ZMYND19: variants seen among roughly 807,000 people sequenced by gnomAD.
The protein encoded by ZMYND19 is zinc finger MYND domain-containing protein 19.
Under a neutral mutation model 32.0 loss-of-function variants are expected in ZMYND19, and 17 were observed. The observed-to-expected ratio is 0.53, with a 90% CI of 0.36 to 0.80. The LOEUF (loss-of-function observed/expected upper bound fraction) is 0.80. Among genes scored for constraint, ZMYND19 ranks in the 30% least tolerant of loss-of-function variants. The pLI, the probability that ZMYND19 is intolerant of heterozygous loss-of-function variation, is 0.00. For synonymous variants in ZMYND19, 124 were observed against 113.6 expected (o/e 1.09, Z -0.58); for missense variants, 250 against 293.6 (o/e 0.85, Z 1.09).
intron 1 of ZMYND19, chr9:137,589,351 C>A: frequency 9.1e-6 from 9 of 985,440 alleles, no homozygotes; most frequent in Non-Finnish European, 1.1e-5. Context: ...GGTCCCAGAA[C>A]GGGCCAGTCT....
Position 137,588,643 on chromosome 9 carries a change from A to G in ZMYND19, c.111+16T>C, listed in dbSNP as rs763571016. 6.2e-7 allele frequency: 1 copy of G among 1,614,088 alleles called. No homozygotes were observed. Among genetic ancestry groups the G allele is most frequent in the South Asian group, 1.1e-5 (1 of 91,084 alleles). On this transcript the variant is annotated intron_variant, in intron 2 of 5. Transcript: ENST00000298585. ...GACCACGAGCATCAGGGGAGGGAAC[A>G]GCCATCCTTACTTACCTCAAAGGAG...
chr9:137,586,945 G>C (rs767230339), intron 4 of ZMYND19, 22 bp downstream of exon 4: 15 of 1,610,612 alleles, frequency 9.3e-6, no homozygotes, highest in African/African-American at 1.3e-5. Context: ...TGCTGGCATC[G>C]CCAGGCCCTG....
Position 137,587,021 on chromosome 9 carries a change from TG to T in ZMYND19, c.304del (p.Gln102AsnfsTer36). 1 of 1,612,500 alleles carries T rather than the reference TG, an allele frequency of 6.2e-7. No individual in the cohort carries two copies. On this transcript the variant is annotated frameshift_variant, in exon 4 of 6. Coordinates refer to ENST00000298585, the MANE Select transcript of ZMYND19 (RefSeq NM_138462.3). LOFTEE classifies it high-confidence loss of function. ...GGGCCGCCAGCCCCACGGCACCAGT[TG>T]CAGGTTGTCCAGGCGATTGTCCACG... ...VTVDNRLDNLQLVPWGWRPKA... is the reference protein window; with the variant it reads ...VTVDNRLDNLXLVPWGWRPKA...
intron 4 of ZMYND19, among the ~76,000 whole-genome samples, chr9:137,586,204 T>G (rs969890912): frequency 3.3e-5 from 5 of 152,196 alleles, no homozygotes; most frequent in African/African-American, 1.2e-4. Flanking sequence ...TAAGGAAAAC[T>G]GTTTAGCAAA....
chr9:137,582,724 T>C, intron 5 of ZMYND19, 38 bp from the exon 6 acceptor site: 1 of 1,603,118 alleles, frequency 6.2e-7, no homozygotes, highest in Non-Finnish European at 8.5e-7. Context: ...CCATCATGCC[T>C]GGGACGCAGT....
chr9:137,589,911 G>A (rs1842251586), intron 1 of ZMYND19: 3 of 985,026 alleles, frequency 3.0e-6, no homozygotes, highest in Non-Finnish European at 3.6e-6. Context: ...CGCGGCTCGG[G>A]CTCGAGCCAC....
Position 137,583,094 on chromosome 9 carries a change from G to A in ZMYND19, c.429C>T (p.Val143=). ...CATTATAATACCGGGTCACATTTAG[G>A]ACAGGAAACTGTTCTTCTATAGGGT... The part of the protein sequence containing the change: ...PTDPIEEQFP[V]LNVTRYYNAN... Residue 143 remains valine (V), a synonymous_variant, in exon 5 of 6, where the codon GTC becomes GTT. Transcript: ENST00000298585. 6.2e-7 allele frequency: 1 copy of A among 1,614,142 alleles called. No homozygotes were observed. Among genetic ancestry groups the A allele is most frequent in the South Asian group, 1.1e-5 (1 of 91,080 alleles).
chr9:137,589,587 G>A (rs1842246321), intron 1 of ZMYND19: 1 of 985,330 alleles, frequency 1.0e-6, no homozygotes, highest in Admixed American at 6.1e-5. Flanking sequence ...AACGTGGAGC[G>A]TGGGGGCCAA....
intron 3 of ZMYND19, 191 bp from the exon 4 acceptor site, chr9:137,587,298 G>A: frequency 3.3e-6 from 3 of 906,790 alleles, no homozygotes; most frequent in East Asian, 2.7e-5. Flanking sequence ...CCTGATCTGT[G>A]GCCCAAACAG....
At position 137,585,414 on chromosome 9, in the gene ZMYND19, CAAAAAAAA is replaced by C. The variant is rs143309893; in HGVS notation, c.359+1545_359+1552del. On this transcript the variant is annotated intron_variant, in intron 4 of 5. Transcript: ENST00000298585. Reference sequence around the variant, plus strand: ...TAGGCAACAGAGCCAGACTCCGTCTCAAAAAAAAAAAAAAAAAAAAATGCTGAGGCAAG... The same window carrying C: ...TAGGCAACAGAGCCAGACTCCGTCTCAAAAAAAAAAAAATGCTGAGGCAAG... Among the ~76,000 whole-genome samples the C allele has an allele frequency of 4.0e-3, 339 of 84,656 alleles. 2 individuals carry two copies. Among genetic ancestry groups the C allele is most frequent in the Non-Finnish European group, 6.6e-3 (258 of 39,228 alleles). The allele number at this position is 84,656 out of a possible 152,430, so 55.5% of individuals were successfully genotyped here.
Position 137,588,957 on chromosome 9 carries a change from C to T in ZMYND19, c.52-239G>A, listed in dbSNP as rs183883529. On this transcript the variant is annotated intron_variant, in intron 1 of 5. Transcript: ENST00000298585. ...AAAGCCAGCTGCCCACTTTAGTCTG[C>T]GCCAGAGGAGCTGGTATCAGGCTTC... 265 of 509,650 alleles carry T rather than the reference C, an allele frequency of 5.2e-4. 1 individual carries two copies. The highest frequency in any genetic ancestry group is 7.3e-4 in the Admixed American group (22 of 30,070). 31.6% of individuals were successfully genotyped at this position (509,650 alleles called of 1,614,324 possible).
In ZMYND19 at chr9:137,590,145, C is replaced by G. The variant is rs1588975892; in HGVS notation, c.51+68G>C. 1 of 986,314 alleles carries G rather than the reference C, an allele frequency of 1.0e-6. No homozygotes were observed. The highest frequency in any genetic ancestry group is 1.2e-6 in the Non-Finnish European group (1 of 832,024). 61.1% of individuals were successfully genotyped at this position (986,314 alleles called of 1,614,324 possible). Reference sequence around the variant, plus strand: ...CCGCCCCGGCCGCCGCCCGCACAACCGCCCCCGGCCCCGCGCGGAGGCCTG... The same window carrying G: ...CCGCCCCGGCCGCCGCCCGCACAACGGCCCCCGGCCCCGCGCGGAGGCCTG... On this transcript the variant is annotated intron_variant, in intron 1 of 5. Coordinates refer to ENST00000298585, the MANE Select transcript of ZMYND19 (RefSeq NM_138462.3). The surrounding 1 kb of genome is among the most constrained non-coding windows in gnomAD (Gnocchi z 4.2).
At chr9:137,583,513 C>T (rs1325211265) in intron 4 of ZMYND19, among the ~76,000 whole-genome samples, 1 of 152,194 alleles carries the variant, frequency 6.6e-6, no homozygotes, top group Non-Finnish European at 1.5e-5. Context: ...ACTGCCCCGT[C>T]GGTCCACTTC....
rs538784711 is a variant in ZMYND19, at chr9:137,589,594, C to T, written c.51+619G>A. The T allele has an allele frequency of 7.0e-5, 69 of 985,440 alleles. No homozygotes were observed. The East Asian group carries it at 7.0e-3, about 101-fold the overall frequency. The allele number at this position is 985,440 out of a possible 1,614,324, so 61.0% of individuals were successfully genotyped here. A position where few individuals can be genotyped will look rare whatever the true frequency, so the allele number is the denominator to read the frequency against. On this transcript the variant is annotated intron_variant, in intron 1 of 5. Coordinates refer to ENST00000298585, the MANE Select transcript of ZMYND19 (RefSeq NM_138462.3). Reference sequence around the variant, plus strand: ...CAGCCTCAAACGTGGAGCGTGGGGGCCAAGTAAGAAGAGAAGTCGAGGAAG... The same window carrying T: ...CAGCCTCAAACGTGGAGCGTGGGGGTCAAGTAAGAAGAGAAGTCGAGGAAG...
intron 1 of ZMYND19, chr9:137,589,669 G>C (rs1344008841): frequency 2.0e-6 from 2 of 985,358 alleles, no homozygotes; most frequent in Admixed American, 1.2e-4. Flanking sequence ...TCTGCTCCGA[G>C]TCTGAGGCTC....
At chr9:137,585,036 T>C (rs1249588008) in intron 4 of ZMYND19, among the ~76,000 whole-genome samples, 2 of 152,148 alleles carry the variant, frequency 1.3e-5, no homozygotes, top group African/African-American at 2.4e-5. Context: ...GAGGCCTGGC[T>C]TCACTCACAA....
At position 137,582,573 on chromosome 9, in the gene ZMYND19, G is replaced by C. The variant is rs749099115; in HGVS notation, c.654C>G (p.Pro218=). Residue 218 remains proline (P), a synonymous_variant, in exon 6 of 6, where the codon CCC becomes CCG. Transcript: ENST00000298585. ...GCTCTGGCTCAAGCTCATGCTGGAA[G>C]GGACGCTTCCTCTCCCGACAGTGCT... The part of the protein sequence containing the change: ...HKKHCRERKR[P]FQHELEPER The C allele has an allele frequency of 1.2e-6, 2 of 1,613,276 alleles. No homozygotes were observed. Among genetic ancestry groups the C allele is most frequent in the Non-Finnish European group, 8.5e-7 (1 of 1,180,026 alleles).
Position 137,590,277 on chromosome 9 carries a change from C to A in ZMYND19, c.-14G>T. 1 of 1,080,146 alleles carries A rather than the reference C, an allele frequency of 9.3e-7. No individual in the cohort carries two copies. The highest frequency in any genetic ancestry group is 1.1e-6 in the Non-Finnish European group (1 of 885,990). 66.9% of individuals were successfully genotyped at this position (1,080,146 alleles called of 1,614,324 possible). On this transcript the variant is annotated 5_prime_UTR_variant, in exon 1 of 6. Coordinates refer to ENST00000298585, the MANE Select transcript of ZMYND19 (RefSeq NM_138462.3). This position sits in a 1 kb window ranked among gnomAD's most constrained non-coding sequence, Gnocchi z 4.2. ...GAAGTCGGTCATGGCCGGGCCTGCG[C>A]TCTCGGCCGGCAGCGCCGCTCCCTC... is the stretch of plus-strand genomic sequence containing the variant.
At chr9:137,588,416 A>C (rs1357155456) in intron 2 of ZMYND19, among the ~76,000 whole-genome samples, 1 of 152,098 alleles carries the variant, frequency 6.6e-6, no homozygotes, top group Non-Finnish European at 1.5e-5. Context: ...GCTGGGGTGA[A>C]AGTGAGGAAG....
Sources: gnomAD v4.1 joint callset for allele counts (sites outside exome capture counted in the v4.1 genomes callset) on GRCh38, gnomAD v4.1.1 for gene constraint, Gnocchi (gnomAD v3.1) non-coding constraint, MANE v1.5 for transcripts, NCBI Gene and HGNC (gene_info 2026-07-23, HGNC 2026-07-21) for gene names.